The following SBF2 variants were observed in gnomAD, a reference collection of about 807,000 sequenced individuals.
SBF2 encodes SET binding factor 2.
SBF2 carries 112 observed loss-of-function variants against 225.2 expected under a neutral mutation model. The ratio of observed to expected loss-of-function variants is 0.50; its 90% CI spans 0.43 to 0.58. The LOEUF is 0.58. Ranked by LOEUF, SBF2 falls within the 20% of genes least tolerant of loss-of-function variation. The probability of loss-of-function intolerance (pLI) is 0.00; values close to 1 mark genes in which losing one functional copy is unlikely to be tolerated. For synonymous variants in SBF2, 763 were observed against 773.3 expected (o/e 0.99, Z 0.22); for missense variants, 1,996 against 2,206.2 (o/e 0.90, Z 1.91).
At chr11:9,803,458 C>T (rs1853604659) in intron 32 of SBF2, among the ~76,000 whole-genome samples, 1 of 152,144 alleles carries the variant, frequency 6.6e-6, no homozygotes, top group South Asian at 2.1e-4. Context: ...AGCATCTAGA[C>T]CTCTCCCACT....
At chr11:10,285,114 A>T (rs370680158) in intron 1 of SBF2, among the ~76,000 whole-genome samples, 9 of 152,152 alleles carry the variant, frequency 5.9e-5, no homozygotes, top group African/African-American at 2.2e-4. Context: ...GTTCAACACC[A>T]GCCTGGGTAA....
At chr11:10,181,030 G>C (rs780481942) in intron 2 of SBF2, among the ~76,000 whole-genome samples, 3 of 152,052 alleles carry the variant, frequency 2.0e-5, no homozygotes, top group Non-Finnish European at 4.4e-5. Flanking sequence ...TAAGCACCGA[G>C]TACTCATGTC....
At chr11:10,114,791 A>C (rs545402227) in intron 2 of SBF2, among the ~76,000 whole-genome samples, 1 of 152,212 alleles carries the variant, frequency 6.6e-6, no homozygotes, top group African/African-American at 2.4e-5. Flanking sequence ...AAGTTTTTCT[A>C]TTATCTTCAG....
At chr11:10,229,382 T>G (rs1369142372) in intron 1 of SBF2, among the ~76,000 whole-genome samples, 1 of 152,228 alleles carries the variant, frequency 6.6e-6, no homozygotes, top group Admixed American at 6.5e-5. Flanking sequence ...CTCTTGCTTT[T>G]CTAGTTCTTT....
intron 2 of SBF2, among the ~76,000 whole-genome samples, chr11:10,075,217 A>C (rs1230176142): frequency 6.6e-6 from 1 of 152,230 alleles, no homozygotes; most frequent in Non-Finnish European, 1.5e-5. Context: ...AATTTCTCTA[A>C]ACCTCAGTTT....
At chr11:9,984,153 A>G (rs1057084048) in intron 13 of SBF2, among the ~76,000 whole-genome samples, 1 of 152,256 alleles carries the variant, frequency 6.6e-6, no homozygotes, top group Non-Finnish European at 1.5e-5. Context: ...AGAAAGGCGA[A>G]GCCCAATGCA....
intron 2 of SBF2, among the ~76,000 whole-genome samples, chr11:10,060,400 C>A (rs1327973001): frequency 6.6e-6 from 1 of 152,164 alleles, no homozygotes; most frequent in African/African-American, 2.4e-5. Context: ...AGCCTACCAA[C>A]CAAAGAAAAG....
chr11:9,836,344 C>T (rs1375384279), intron 26 of SBF2, among the ~76,000 whole-genome samples: 1 of 152,036 alleles, frequency 6.6e-6, no homozygotes, highest in Non-Finnish European at 1.5e-5. Context: ...TAATTTTTCC[C>T]AGCATCCTTT....
chr11:10,099,769 A>T (rs1351287943), intron 2 of SBF2, among the ~76,000 whole-genome samples: 2 of 152,186 alleles, frequency 1.3e-5, no homozygotes, highest in Admixed American at 6.6e-5. Context: ...TTATCAGTTT[A>T]AAAAAGACTG....
intron 17 of SBF2, among the ~76,000 whole-genome samples, chr11:9,895,706 A>T (rs1861197480): frequency 6.6e-6 from 1 of 152,222 alleles, no homozygotes; most frequent in Non-Finnish European, 1.5e-5. Context: ...GAAGTACTAT[A>T]AAGAAAATTA....
intron 16 of SBF2, among the ~76,000 whole-genome samples, chr11:9,918,666 T>C (rs897990039): frequency 5.9e-5 from 9 of 152,190 alleles, no homozygotes; most frequent in Non-Finnish European, 1.3e-4. Flanking sequence ...CCACTACGCC[T>C]GGCCCCTTTG....
At chr11:10,218,720 C>G (rs1182846296) in intron 1 of SBF2, among the ~76,000 whole-genome samples, 1 of 152,180 alleles carries the variant, frequency 6.6e-6, no homozygotes, top group African/African-American at 2.4e-5. Flanking sequence ...GGTTAATACA[C>G]CATTCTAAAT....
At chr11:10,210,966 T>C (rs576923441) in intron 1 of SBF2, among the ~76,000 whole-genome samples, 71 of 128,162 alleles carry the variant, frequency 5.5e-4, no homozygotes, top group Admixed American at 3.9e-3. Context: ...TGAGCTGAAA[T>C]TGCGCCACTG....
intron 39 of SBF2, among the ~76,000 whole-genome samples, chr11:9,781,181 T>C (rs779879467): frequency 6.6e-6 from 1 of 152,234 alleles, no homozygotes; most frequent in Non-Finnish European, 1.5e-5. Flanking sequence ...GACCACTGAA[T>C]ACTAGGGAAA....
intron 16 of SBF2, among the ~76,000 whole-genome samples, chr11:9,909,399 C>T (rs1182387575): frequency 2.0e-5 from 3 of 151,762 alleles, no homozygotes; most frequent in East Asian, 1.9e-4. Context: ...CGGCTGGGCG[C>T]GGTGGCTTAC....
intron 1 of SBF2, among the ~76,000 whole-genome samples, chr11:10,273,497 A>C (rs1056426586): frequency 6.6e-6 from 1 of 152,246 alleles, no homozygotes; most frequent in Non-Finnish European, 1.5e-5. Context: ...TTTTAGAAGA[A>C]ACAGAAAATA....
At chr11:10,071,645 C>T (rs1035129977) in intron 2 of SBF2, among the ~76,000 whole-genome samples, 2 of 152,128 alleles carry the variant, frequency 1.3e-5, no homozygotes, top group Non-Finnish European at 2.9e-5. Flanking sequence ...TCATAAACAG[C>T]TCTTATTATT....
intron 2 of SBF2, among the ~76,000 whole-genome samples, chr11:10,157,729 T>C (rs1255345239): frequency 1.3e-5 from 2 of 152,202 alleles, no homozygotes; most frequent in African/African-American, 2.4e-5. Context: ...TGTAATGCAC[T>C]TAAATCATCC....
At chr11:9,810,606 G>A (rs1195229331) in intron 30 of SBF2, 8 of 152,208 alleles carry the variant, frequency 5.3e-5, no homozygotes, top group Non-Finnish European at 1.0e-4. Flanking sequence ...GTAATGAGAA[G>A]CTCCTCATGT....
Sources: allele counts gnomAD v4.1 joint callset (sites outside exome capture counted in the v4.1 genomes callset), GRCh38; gene constraint gnomAD v4.1.1; transcripts MANE v1.5; gene names NCBI Gene and HGNC (gene_info 2026-07-23, HGNC 2026-07-21).